RBM39: variants seen among roughly 807,000 people sequenced by gnomAD.
The protein encoded by RBM39 is RNA binding motif protein 39.
RBM39 carries 12 observed loss-of-function variants against 79.6 expected under a neutral mutation model. The ratio of observed to expected loss-of-function variants is 0.15; its 90% CI spans 0.10 to 0.24. The LOEUF is 0.24. Among genes scored for constraint, RBM39 ranks in the 10% least tolerant of loss-of-function variants. RBM39 has a pLI of 1.00. For synonymous variants in RBM39, 185 were observed against 208.4 expected, an observed-to-expected ratio of 0.89 and a Z score of 0.97; for missense variants, 243 against 653.4, an observed-to-expected ratio of 0.37 and a Z score of 6.85.
intron 9 of RBM39, among the ~76,000 whole-genome samples, chr20:35,718,655 A>G (rs1217180508): frequency 6.6e-6 from 1 of 151,996 alleles, no homozygotes; most frequent in Non-Finnish European, 1.5e-5. Context: ...CTCTACTAAA[A>G]ATACAAAATT....
At chr20:35,726,294 G>A (rs1031327495) in intron 6 of RBM39, among the ~76,000 whole-genome samples, 1 of 151,774 alleles carries the variant, frequency 6.6e-6, no homozygotes, top group African/African-American at 2.4e-5. Flanking sequence ...ACCATGCCTG[G>A]CTAATTTTCT....
At chr20:35,730,191 A>T (rs1253932014) in intron 4 of RBM39, among the ~76,000 whole-genome samples, 1 of 152,188 alleles carries the variant, frequency 6.6e-6, no homozygotes, top group Non-Finnish European at 1.5e-5. Flanking sequence ...CTCTAGAAAA[A>T]TTTTGTGAGG....
intron 6 of RBM39, among the ~76,000 whole-genome samples, chr20:35,728,342 C>T (rs2146660684): frequency 6.6e-6 from 1 of 152,252 alleles, no homozygotes; most frequent in East Asian, 1.9e-4. Flanking sequence ...CACGAATAAG[C>T]TAATTACCCG....
Position 35,737,848 on chromosome 20 carries a change from C to CCAAA in RBM39, c.101+1119_101+1120insTTTG, listed in dbSNP as rs1468925578. Among the ~76,000 whole-genome samples the CCAAA allele has an allele frequency of 5.9e-3, 240 of 40,438 alleles. 4 individuals are homozygous for CCAAA. Among genetic ancestry groups the CCAAA allele is most frequent in the African/African-American group, 0.019 (234 of 12,590 alleles). 26.5% of individuals were successfully genotyped at this position (40,438 alleles called of 152,430 possible). A position where few individuals can be genotyped will look rare whatever the true frequency, so the allele number is the denominator to read the frequency against. ...TGGGCAACAGAGCAAGACTCCGTGTCAAAAAAAAAAAAAAAAAAAAAAAGG... is the reference window on the plus strand; with the variant it reads ...TGGGCAACAGAGCAAGACTCCGTGTCCAAAAAAAAAAAAAAAAAAAAAAAAAAGG... On this transcript the variant is annotated intron_variant, in intron 3 of 16. Coordinates refer to ENST00000253363, the MANE Select transcript of RBM39 (RefSeq NM_184234.3).
chr20:35,739,650 T>G, intron 2 of RBM39: 1 of 403,124 alleles, frequency 2.5e-6, no homozygotes, highest in Non-Finnish European at 5.3e-6. Context: ...ATTTCCTACT[T>G]CCATACCTGT....
At chr20:35,727,176 T>C (rs1440847322) in intron 6 of RBM39, among the ~76,000 whole-genome samples, 1 of 145,450 alleles carries the variant, frequency 6.9e-6, no homozygotes, top group Non-Finnish European at 1.5e-5. Flanking sequence ...CAAAACCTTG[T>C]CTCTACAAAA....
intron 3 of RBM39, chr20:35,736,641 G>A (rs1366237524): frequency 1.5e-5 from 7 of 462,352 alleles, no homozygotes; most frequent in South Asian, 4.7e-5. Context: ...ACATAAGGTC[G>A]TAAGTATGAC....
intron 11 of RBM39, chr20:35,713,692 A>C (rs2036755512): frequency 6.7e-6 from 1 of 149,916 alleles, no homozygotes; most frequent in African/African-American, 2.5e-5. Flanking sequence ...AAAAAAAAAA[A>C]AAAAACCACC....
chr20:35,705,524 G>A (rs1016940846), intron 14 of RBM39, 194 bp from the exon 15 acceptor site: 16 of 431,080 alleles, frequency 3.7e-5, no homozygotes, highest in Admixed American at 1.7e-4. Flanking sequence ...GAGGCCGGGC[G>A]CGGTGACTCA....
At chr20:35,719,840 A>G (rs776640444) in intron 9 of RBM39, among the ~76,000 whole-genome samples, 13 of 151,844 alleles carry the variant, frequency 8.6e-5, no homozygotes, top group Non-Finnish European at 1.5e-4. Flanking sequence ...TCTGTTATCC[A>G]GGCGTGATCT....
intron 9 of RBM39, among the ~76,000 whole-genome samples, chr20:35,719,500 G>A (rs956337587): frequency 3.3e-5 from 5 of 151,914 alleles, no homozygotes; most frequent in Admixed American, 6.6e-5. Context: ...TCAAGAGTTC[G>A]AGACCAACCT....
chr20:35,735,231 T>C (rs960677534), intron 3 of RBM39: 14 of 1,222,466 alleles, frequency 1.1e-5, no homozygotes, highest in Admixed American at 7.2e-5. Flanking sequence ...TGGACGCTGA[T>C]TTAGACTTTG....
chr20:35,720,700 A>G (rs1235835033), intron 9 of RBM39, among the ~76,000 whole-genome samples: 2 of 152,122 alleles, frequency 1.3e-5, no homozygotes, highest in Non-Finnish European at 2.9e-5. Context: ...GAACACAGAG[A>G]GGAGGAGTTT....
At chr20:35,716,673 A>G in intron 10 of RBM39, 67 bp downstream of exon 10, 2 of 977,554 alleles carry the variant, frequency 2.0e-6, no homozygotes, top group Non-Finnish European at 3.1e-6. Context: ...GACTAATCTG[A>G]GCAACACAGC....
In RBM39 at chr20:35,713,314, T is replaced by A. The variant is rs536023457; in HGVS notation, c.1097-218A>T. On this transcript the variant is annotated intron_variant, in intron 11 of 16. Coordinates refer to ENST00000253363, the MANE Select transcript of RBM39 (RefSeq NM_184234.3). ...CCAACCTGGGCAACAATTGTGAAAC[T>A]CTCTTTTTTTTTTGAGATGGAGTAT... The A allele has an allele frequency of 1.1e-4, 46 of 412,586 alleles. 2 individuals carry two copies. In the South Asian group the frequency reaches 1.5e-3, roughly 14 times the overall value. The allele number at this position is 412,586 out of a possible 1,614,324, so 25.6% of individuals were successfully genotyped here. A position where few individuals can be genotyped will look rare whatever the true frequency, so the allele number is the denominator to read the frequency against.
chr20:35,732,302 A>T lies in RBM39; in HGVS notation c.102-167T>A, dbSNP rs1017063997. The T allele has an allele frequency of 8.1e-5, 53 of 657,566 alleles. 1 individual carries two copies. The South Asian group carries it at 1.0e-3, about 13-fold the overall frequency. The allele number at this position is 657,566 out of a possible 1,614,324, so 40.7% of individuals were successfully genotyped here. ...ACTTAAAAAAAAAAAAAAATCCTGT[A>T]ATCTCAGCACTTTGGTAGGCCGAGG... On this transcript the variant is annotated intron_variant, in intron 3 of 16. Transcript: ENST00000253363.
intron 10 of RBM39, among the ~76,000 whole-genome samples, chr20:35,716,204 G>A (rs373075291): frequency 6.6e-6 from 1 of 151,972 alleles, no homozygotes; most frequent in African/African-American, 2.4e-5. Flanking sequence ...CTCACAAGTA[G>A]GTGGGATTAC....
At chr20:35,736,984 G>A (rs1392582524) in intron 3 of RBM39, among the ~76,000 whole-genome samples, 2 of 151,136 alleles carry the variant, frequency 1.3e-5, no homozygotes, top group Non-Finnish European at 3.0e-5. Context: ...TCTCAGTTGG[G>A]TCCATGTCTC....
intron 10 of RBM39, among the ~76,000 whole-genome samples, chr20:35,716,283 A>G (rs999627135): frequency 2.0e-5 from 3 of 152,180 alleles, no homozygotes; most frequent in Admixed American, 6.5e-5. Flanking sequence ...CATGTTGGCC[A>G]GGCTGGTCTC....
Sources: allele counts gnomAD v4.1 joint callset (sites outside exome capture counted in the v4.1 genomes callset), GRCh38; gene constraint gnomAD v4.1.1; transcripts MANE v1.5; gene names NCBI Gene and HGNC (gene_info 2026-07-23, HGNC 2026-07-21).